The following PPARD variants were observed in gnomAD, a reference collection of about 807,000 sequenced individuals.
PPARD encodes peroxisome proliferator-activated receptor delta.
In PPARD, 6 loss-of-function variants were observed where a neutral mutation model predicts 39.5. The ratio of observed to expected loss-of-function variants is 0.15; its 90% confidence interval spans 0.08 to 0.30. PPARD has a LOEUF of 0.30. PPARD is among the 10% of genes least tolerant of loss of function. The pLI is 1.00. For missense variants in PPARD, 397 were observed against 596.8 expected, an observed-to-expected ratio of 0.67 and a Z score of 3.49; for synonymous variants, 210 against 231.3, an observed-to-expected ratio of 0.91 and a Z score of 0.83.
At chr6:35,348,389 G>A (rs1237229433) in intron 2 of PPARD, 2 of 985,326 alleles carry the variant, frequency 2.0e-6, no homozygotes, top group African/African-American at 1.7e-5. Context: ...CCAAGAGTCT[G>A]AACAATGCTC....
intron 2 of PPARD, 32 bp from the exon 3 acceptor site, chr6:35,410,955 C>T (rs200781035): frequency 9.5e-6 from 12 of 1,262,658 alleles, no homozygotes; most frequent in Middle Eastern, 4.3e-4. Flanking sequence ...CACTGCCTCC[C>T]CTGACCTCTT....
At chr6:35,385,931 G>C (rs1003959149) in intron 2 of PPARD, among the ~76,000 whole-genome samples, 5 of 152,088 alleles carry the variant, frequency 3.3e-5, no homozygotes, top group Non-Finnish European at 7.4e-5. Flanking sequence ...TAGGAAAGGA[G>C]GATCATCATT....
Position 35,425,614 on chromosome 6 carries a change from G to C in PPARD, c.1079-218G>C, listed in dbSNP as rs776384470. Among the ~76,000 whole-genome samples, 7 of 152,298 alleles carry C rather than the reference G, an allele frequency of 4.6e-5. No individual in the cohort carries two copies. Among genetic ancestry groups the C allele is most frequent in the South Asian group, 2.1e-4 (1 of 4,828 alleles). The stretch of plus-strand genomic sequence containing the variant: ...CCACAATACTACGTTGCCTAATCGG[G>C]GGGGAGGTGGGGACAAATTGGCAAA... On this transcript the variant is annotated intron_variant, in intron 7 of 7. Transcript: ENST00000360694. This position sits in a 1 kb window ranked among gnomAD's most constrained non-coding sequence, Gnocchi z 4.5.
intron 2 of PPARD, among the ~76,000 whole-genome samples, chr6:35,393,282 G>T (rs907368987): frequency 6.6e-6 from 1 of 152,204 alleles, no homozygotes; most frequent in Non-Finnish European, 1.5e-5. Flanking sequence ...AGGAAACAGG[G>T]TTTATAGACA....
rs147025418 is a variant in PPARD, at chr6:35,393,982, C to T, written c.-101-17005C>T. On this transcript the variant is annotated intron_variant, in intron 2 of 7. Coordinates refer to ENST00000360694, the MANE Select transcript of PPARD (RefSeq NM_006238.5). Reference sequence around the variant, plus strand: ...CTGCAGCTCCTGGGCTGCCTTTACTCGAGTGAGATCCATTTACAAGACTCC... The same window carrying T: ...CTGCAGCTCCTGGGCTGCCTTTACTTGAGTGAGATCCATTTACAAGACTCC... Among the ~76,000 whole-genome samples the T allele has an allele frequency of 1.2e-3, 177 of 152,316 alleles. 1 individual carries two copies. The highest frequency in any genetic ancestry group is 4.0e-3 in the African/African-American group (166 of 41,568).
intron 2 of PPARD, among the ~76,000 whole-genome samples, chr6:35,396,280 C>T (rs1764307908): frequency 6.6e-6 from 1 of 151,486 alleles, no homozygotes; most frequent in Non-Finnish European, 1.5e-5. Flanking sequence ...TCTTGGCTTA[C>T]TGCAAGCTCC....
At chr6:35,344,287 C>T (rs1792041497) in intron 1 of PPARD, among the ~76,000 whole-genome samples, 1 of 152,034 alleles carries the variant, frequency 6.6e-6, no homozygotes, top group African/African-American at 2.4e-5. Flanking sequence ...TCCCAGAGCT[C>T]TGTTCCCTTT....
chr6:35,422,108 C>T, intron 5 of PPARD, 150 bp downstream of exon 5: 1 of 995,698 alleles, frequency 1.0e-6, no homozygotes, highest in Non-Finnish European at 1.4e-6. Context: ...GTTGGCTTTG[C>T]TGATCTGGAC....
chr6:35,348,188 G>C (rs1761000663), intron 2 of PPARD, among the ~76,000 whole-genome samples: 1 of 152,194 alleles, frequency 6.6e-6, no homozygotes, highest in South Asian at 2.1e-4. Context: ...GATTACAGAT[G>C]TGAGCCACTG....
rs1405623781 is a variant in PPARD, at chr6:35,425,198, C to T, written c.1078+419C>T. ...CTGAGCCAGGAGAATCGCTTGAACCCGAGAGGTGGAGGTTGCAGTGAGCCA... is the reference window on the plus strand; with the variant it reads ...CTGAGCCAGGAGAATCGCTTGAACCTGAGAGGTGGAGGTTGCAGTGAGCCA... On this transcript the variant is annotated intron_variant, in intron 7 of 7. Transcript: ENST00000360694. This position sits in a 1 kb window ranked among gnomAD's most constrained non-coding sequence, Gnocchi z 4.5. The T allele has an allele frequency of 7.8e-6, 7 of 895,638 alleles. No homozygotes were observed. The highest frequency in any genetic ancestry group is 8.2e-6 in the Non-Finnish European group (6 of 732,410). The allele number at this position is 895,638 out of a possible 1,614,324, so 55.5% of individuals were successfully genotyped here.
chr6:35,422,993 G>A (rs759017742), intron 5 of PPARD, among the ~76,000 whole-genome samples: 9 of 139,956 alleles, frequency 6.4e-5, no homozygotes, highest in Non-Finnish European at 1.2e-4. Flanking sequence ...CAAGGTAGGA[G>A]GATTGCTTGA....
chr6:35,372,792 C>T (rs1562183817), intron 2 of PPARD, among the ~76,000 whole-genome samples: 2 of 152,156 alleles, frequency 1.3e-5, no homozygotes, highest in Non-Finnish European at 2.9e-5. Context: ...GCTCTATGAC[C>T]CTATCTCAGT....
At chr6:35,387,178 T>G (rs983069127) in intron 2 of PPARD, among the ~76,000 whole-genome samples, 12 of 151,792 alleles carry the variant, frequency 7.9e-5, no homozygotes, top group African/African-American at 2.9e-4. Flanking sequence ...TGTTGCTCTT[T>G]ACCAGGCCCC....
At chr6:35,411,703 C>G (rs1416098024) in intron 3 of PPARD, among the ~76,000 whole-genome samples, 1 of 152,184 alleles carries the variant, frequency 6.6e-6, no homozygotes, top group African/African-American at 2.4e-5. Context: ...AAATGCTAAG[C>G]AGTTAGTATG....
At chr6:35,365,130 C>CTTTTTTTTTTTTTTTTT (rs551946022) in intron 2 of PPARD, among the ~76,000 whole-genome samples, 5 of 121,086 alleles carry the variant, frequency 4.1e-5, no homozygotes, top group African/African-American at 1.7e-4. Flanking sequence ...CTTCCTTATT[C>CTTTTTTTTTTTTTTTTT]TTTTTTTTTT....
intron 2 of PPARD, among the ~76,000 whole-genome samples, chr6:35,396,647 G>A (rs529420984): frequency 1.3e-5 from 2 of 151,316 alleles, no homozygotes; most frequent in South Asian, 4.2e-4. Context: ...TGGTTAACGT[G>A]GTGAAATCCC....
At chr6:35,369,879 T>G (rs578208761) in intron 2 of PPARD, among the ~76,000 whole-genome samples, 23 of 152,342 alleles carry the variant, frequency 1.5e-4, no homozygotes, top group Middle Eastern at 3.4e-3. Context: ...ACCTTCTCTG[T>G]CTCCCCTACT....
At chr6:35,400,069 C>T (rs896941955) in intron 2 of PPARD, among the ~76,000 whole-genome samples, 1 of 152,150 alleles carries the variant, frequency 6.6e-6, no homozygotes, top group Non-Finnish European at 1.5e-5. Flanking sequence ...CTGGACAGAC[C>T]GACCAATCAC....
intron 2 of PPARD, among the ~76,000 whole-genome samples, chr6:35,369,199 G>A (rs1052830566): frequency 1.3e-5 from 2 of 152,174 alleles, no homozygotes; most frequent in Non-Finnish European, 2.9e-5. Context: ...CACGGTTAAT[G>A]TTTTGAATGG....
Sources: gnomAD v4.1 joint callset for allele counts (sites outside exome capture counted in the v4.1 genomes callset) on GRCh38, gnomAD v4.1.1 for gene constraint, Gnocchi (gnomAD v3.1) non-coding constraint, MANE v1.5 for transcripts, NCBI Gene and HGNC (gene_info 2026-07-23, HGNC 2026-07-21) for gene names.